SYNE1: variants seen among roughly 807,000 people sequenced by gnomAD.
SYNE1 encodes spectrin repeat containing nuclear envelope protein 1, also known as nesprin-1.
In SYNE1, 616 loss-of-function variants were observed where a neutral mutation model predicts 1,111.0. The observed-to-expected ratio is 0.55, with a 90% CI of 0.52 to 0.59. The LOEUF (loss-of-function observed/expected upper bound fraction) is 0.59. Among genes scored for constraint, SYNE1 ranks in the 20% least tolerant of loss-of-function variants. SYNE1 has a pLI of 0.00. For missense variants in SYNE1, 10,006 were observed against 10,417.0 expected, an observed-to-expected ratio of 0.96 and a Z score of 1.72; for synonymous variants, 3,855 against 3,825.8, an observed-to-expected ratio of 1.01 and a Z score of -0.28.
intron 5 of SYNE1, among the ~76,000 whole-genome samples, chr6:152,524,131 C>G (rs958188494): frequency 1.3e-5 from 2 of 152,028 alleles, no homozygotes; most frequent in African/African-American, 4.8e-5. Context: ...TGTTCCAGTT[C>G]TCAAGGGGAA....
intron 10 of SYNE1, among the ~76,000 whole-genome samples, chr6:152,502,068 T>G (rs1315457852): frequency 6.6e-6 from 1 of 152,126 alleles, no homozygotes; most frequent in Non-Finnish European, 1.5e-5. Flanking sequence ...TTCCTTTTCC[T>G]TTTTTTCTTG....
chr6:152,182,259 A>C (rs2153195517), intron 128 of SYNE1, among the ~76,000 whole-genome samples: 1 of 152,332 alleles, frequency 6.6e-6, no homozygotes, highest in Non-Finnish European at 1.5e-5. Flanking sequence ...TGAAATACTA[A>C]GGAATGTTTC....
chr6:152,263,866 A>C (rs938418832), intron 100 of SYNE1, among the ~76,000 whole-genome samples: 2 of 152,284 alleles, frequency 1.3e-5, no homozygotes, highest in African/African-American at 4.8e-5. Context: ...GAATACATGC[A>C]TAAGGCCTAT....
chr6:152,355,080 G>GA, intron 66 of SYNE1, 104 bp from the exon 67 acceptor site: 2 of 1,256,344 alleles, frequency 1.6e-6, no homozygotes, highest in Non-Finnish European at 2.3e-6. Flanking sequence ...CTTCTCATTA[G>GA]AAAAAAATGA....
chr6:152,324,983 C>A (rs554971937), intron 81 of SYNE1, 101 bp downstream of exon 81: 19 of 1,379,780 alleles, frequency 1.4e-5, no homozygotes, highest in Non-Finnish European at 2.0e-5. Flanking sequence ...GCCTTTATTA[C>A]TTTCATAAGG....
intron 130 of SYNE1, 106 bp downstream of exon 130, chr6:152,176,288 C>T (rs1563230948): frequency 6.6e-7 from 1 of 1,507,134 alleles, no homozygotes; most frequent in South Asian, 1.1e-5. Flanking sequence ...TGAGATAACC[C>T]AGGAAGAGAG....
At position 152,383,406 on chromosome 6, in the gene SYNE1, C is replaced by T. The variant is rs2097461372; in HGVS notation, c.8653-2044G>A. Among the ~76,000 whole-genome samples, 5 of 152,324 alleles carry T rather than the reference C, an allele frequency of 3.3e-5. No individual in the cohort carries two copies. In the South Asian group the frequency reaches 1.0e-3, roughly 32 times the overall value. On this transcript the variant is annotated intron_variant, in intron 55 of 145. Coordinates refer to ENST00000367255, the MANE Select transcript of SYNE1 (RefSeq NM_182961.4). ...TCCATGTAACCTGGTTTCTCACCTTCCCTTGCTGTGCAAATGTTTCTCAGA... is the reference window on the plus strand; with the variant it reads ...TCCATGTAACCTGGTTTCTCACCTTTCCTTGCTGTGCAAATGTTTCTCAGA...
intron 100 of SYNE1, among the ~76,000 whole-genome samples, chr6:152,264,828 A>C (rs2092508907): frequency 6.6e-6 from 1 of 151,924 alleles, no homozygotes; most frequent in African/African-American, 2.4e-5. Context: ...AAAATGTGTG[A>C]TGCAGGGATT....
intron 3 of SYNE1, among the ~76,000 whole-genome samples, chr6:152,620,515 T>C (rs2099673056): frequency 6.6e-6 from 1 of 152,206 alleles, no homozygotes; most frequent in Admixed American, 6.5e-5. Context: ...GTCTCAGTTT[T>C]CCTCCTCAAT....
chr6:152,467,947 C>T (rs941926063), intron 16 of SYNE1, among the ~76,000 whole-genome samples: 23 of 152,056 alleles, frequency 1.5e-4, no homozygotes, highest in Admixed American at 4.6e-4. Flanking sequence ...GCTATTTAGA[C>T]ACACCTGTCA....
intron 95 of SYNE1, among the ~76,000 whole-genome samples, chr6:152,287,577 T>C (rs1274594503): frequency 6.6e-6 from 1 of 152,222 alleles, no homozygotes; most frequent in Non-Finnish European, 1.5e-5. Flanking sequence ...AGACAGAGTC[T>C]CACCCTGTTG....
chr6:152,405,419 A>G (rs1387203982), intron 45 of SYNE1, among the ~76,000 whole-genome samples: 1 of 152,242 alleles, frequency 6.6e-6, no homozygotes, highest in Non-Finnish European at 1.5e-5. Flanking sequence ...AGTTGAAGAC[A>G]TACACAGCAG....
At chr6:152,371,014 C>T (rs993706914) in intron 59 of SYNE1, among the ~76,000 whole-genome samples, 1 of 152,134 alleles carries the variant, frequency 6.6e-6, no homozygotes, top group African/African-American at 2.4e-5. Context: ...CTGTTTTATT[C>T]TCTGCTATAG....
chr6:152,412,553 G>A (rs2098080682), intron 42 of SYNE1, among the ~76,000 whole-genome samples: 2 of 152,210 alleles, frequency 1.3e-5, no homozygotes, highest in African/African-American at 4.8e-5. Context: ...CAAAACTATA[G>A]ATGTGGAAAA....
intron 107 of SYNE1, among the ~76,000 whole-genome samples, chr6:152,240,386 C>T (rs374855632): frequency 2.0e-5 from 3 of 152,170 alleles, no homozygotes; most frequent in African/African-American, 7.2e-5. Context: ...AGGATATTTG[C>T]GTGCTCATTC....
chr6:152,510,444 T>A (rs1426194246), intron 7 of SYNE1, 73 bp from the exon 8 acceptor site: 2 of 1,531,820 alleles, frequency 1.3e-6, no homozygotes, highest in African/African-American at 2.7e-5. Flanking sequence ...GTTTTACTTT[T>A]CCAGCAACAA....
In SYNE1 at chr6:152,371,427, C is replaced by T. The variant is rs980033637; in HGVS notation, c.9507+1610G>A. On this transcript the variant is annotated intron_variant, in intron 59 of 145. Coordinates refer to ENST00000367255, the MANE Select transcript of SYNE1 (RefSeq NM_182961.4). ...TAAATTTCCTGAGGCCTCCCCAGCC[C>T]TGCAGAATTGTGAGTCAATTCAACC... Among the ~76,000 whole-genome samples, 5 of 151,568 alleles carry T rather than the reference C, an allele frequency of 3.3e-5. No individual in the cohort carries two copies. The South Asian group carries it at 1.0e-3, about 32-fold the overall frequency.
At chr6:152,418,718 C>T (rs1366691336) in intron 40 of SYNE1, among the ~76,000 whole-genome samples, 1 of 152,094 alleles carries the variant, frequency 6.6e-6, no homozygotes, top group Non-Finnish European at 1.5e-5. Context: ...GAAAGTTCCT[C>T]CAGAAGAAAT....
intron 4 of SYNE1, among the ~76,000 whole-genome samples, chr6:152,529,424 C>T (rs1319929242): frequency 6.6e-6 from 1 of 152,150 alleles, no homozygotes; most frequent in Non-Finnish European, 1.5e-5. Flanking sequence ...TCTGGGATTA[C>T]ATTGTCCCAT....
Sources: allele counts gnomAD v4.1 joint callset (sites outside exome capture counted in the v4.1 genomes callset), GRCh38; gene constraint gnomAD v4.1.1; transcripts MANE v1.5; gene names NCBI Gene and HGNC (gene_info 2026-07-23, HGNC 2026-07-21).